CD59: variants seen among roughly 807,000 people sequenced by gnomAD.
CD59 encodes CD59 glycoprotein.
CD59 carries 3 observed loss-of-function variants against 7.0 expected under a neutral mutation model. The observed-to-expected ratio is 0.43, with a 90% CI of 0.19 to 1.10. The LOEUF is 1.10. Among genes scored for constraint, CD59 ranks in the 50% least tolerant of loss-of-function variants. CD59 has a pLI of 0.29. For missense variants in CD59, 143 were observed against 151.0 expected (o/e 0.95, Z 0.28); for synonymous variants, 60 against 62.0 (o/e 0.97, Z 0.15).
At position 33,709,914 on chromosome 11, in the gene CD59, T is replaced by A. The variant is rs978748036; in HGVS notation, c.*212A>T. The stretch of plus-strand genomic sequence containing the variant: ...GTTCAAGTCACACCTACTTCACTCT[T>A]AGACTTCTTCCTTCAAGTGGGGCTT... On this transcript the variant is annotated 3_prime_UTR_variant, in exon 4 of 4. Coordinates refer to ENST00000642928, the MANE Select transcript of CD59 (RefSeq NM_000611.6). The A allele has an allele frequency of 1.3e-5, 8 of 624,736 alleles. No individual in the cohort carries two copies. The highest frequency in any genetic ancestry group is 2.3e-5 in the Non-Finnish European group (8 of 352,736). 38.7% of individuals were successfully genotyped at this position (624,736 alleles called of 1,614,324 possible). A position where few individuals can be genotyped will look rare whatever the true frequency, so the allele number is the denominator to read the frequency against.
intron 1 of CD59, among the ~76,000 whole-genome samples, chr11:33,727,197 C>A (rs189924030): frequency 6.6e-6 from 1 of 152,072 alleles, no homozygotes; most frequent in Non-Finnish European, 1.5e-5. Context: ...ATCTTGACAC[C>A]GAAACCTGGC....
rs1318843540 is a variant in CD59, at chr11:33,707,174, G to A, written c.*2952C>T. 1 of 152,240 alleles carries A rather than the reference G, an allele frequency of 6.6e-6. No homozygotes were observed. Among genetic ancestry groups the A allele is most frequent in the Non-Finnish European group, 1.5e-5 (1 of 68,058 alleles). The allele number at this position is 152,240 out of a possible 1,614,324, so 9.4% of individuals were successfully genotyped here. A position where few individuals can be genotyped will look rare whatever the true frequency, so the allele number is the denominator to read the frequency against. ...GCTCAGCCCATCAAGAATCCCTCAG[G>A]GGGATCTGTTAGCATTAGTTCAGAT... On this transcript the variant is annotated 3_prime_UTR_variant, in exon 4 of 4. Transcript: ENST00000642928.
At chr11:33,722,176 G>A (rs1181584507) in intron 2 of CD59, among the ~76,000 whole-genome samples, 1 of 152,144 alleles carries the variant, frequency 6.6e-6, no homozygotes, top group East Asian at 2.0e-4. Context: ...AACTCAGGAC[G>A]GGCTGTAACT....
Position 33,710,116 on chromosome 11 carries a change from T to C in CD59, c.*10A>G. The C allele has an allele frequency of 1.2e-6, 2 of 1,603,696 alleles. No homozygotes were observed. Among genetic ancestry groups the C allele is most frequent in the Non-Finnish European group, 8.5e-7 (1 of 1,172,050 alleles). ...ACGGGGAGTTTGGGAGAAGCTCTCC[T>C]GGTGTTGACTTAGGGATGAAGGCTC... On this transcript the variant is annotated 3_prime_UTR_variant, in exon 4 of 4. Transcript: ENST00000642928.
intron 3 of CD59, chr11:33,711,379 C>T (rs1220108902): frequency 1.4e-6 from 1 of 701,012 alleles, no homozygotes; most frequent in Non-Finnish European, 2.6e-6. Flanking sequence ...AATAAAAAGA[C>T]TAACCCAATT....
At chr11:33,713,866 A>G (rs1853670405) in intron 3 of CD59, among the ~76,000 whole-genome samples, 1 of 152,222 alleles carries the variant, frequency 6.6e-6, no homozygotes, top group South Asian at 2.1e-4. Context: ...AAAGTGGCTT[A>G]TATCAGAATC....
chr11:33,720,174 G>T (rs1220248733), intron 2 of CD59, among the ~76,000 whole-genome samples: 1 of 152,222 alleles, frequency 6.6e-6, no homozygotes, highest in Non-Finnish European at 1.5e-5. Flanking sequence ...CTCTTCATAG[G>T]ATTGTTAAGA....
chr11:33,703,584 G>GTAGC lies in CD59; in HGVS notation c.*6538_*6541dup, dbSNP rs1489027070. The GTAGC allele has an allele frequency of 5.3e-5, 8 of 152,250 alleles. No homozygotes were observed. The allele number at this position is 152,250 out of a possible 1,614,324, so 9.4% of individuals were successfully genotyped here. The stretch of plus-strand genomic sequence containing the variant: ...CGTTGATCAGGGTCAGTTGAAAGAT[G>GTAGC]TAGCTGTCGGCCTGGTAGCCAGGTG... On this transcript the variant is annotated 3_prime_UTR_variant, in exon 4 of 4. Transcript: ENST00000642928.
At chr11:33,717,573 G>A (rs1292961592) in intron 2 of CD59, 102 bp from the exon 3 acceptor site, 5 of 735,470 alleles carry the variant, frequency 6.8e-6, no homozygotes, top group Non-Finnish European at 1.2e-5. Flanking sequence ...GCAACTTGTG[G>A]TATACTTCCA....
chr11:33,731,151 G>A (rs952735784), intron 1 of CD59, among the ~76,000 whole-genome samples: 4 of 152,002 alleles, frequency 2.6e-5, no homozygotes, highest in Admixed American at 6.6e-5. Context: ...TTAAGTTTTG[G>A]GGGAGTCAAA....
chr11:33,729,493 AACATCAG>A (rs1182373512), intron 1 of CD59, among the ~76,000 whole-genome samples: 1 of 152,010 alleles, frequency 6.6e-6, no homozygotes, highest in Admixed American at 6.6e-5. Context: ...CAGGGAGGGG[AACATCAG>A]ACACCAGGGC....
At chr11:33,727,369 T>C (rs1271414953) in intron 1 of CD59, among the ~76,000 whole-genome samples, 1 of 152,196 alleles carries the variant, frequency 6.6e-6, no homozygotes, top group Non-Finnish European at 1.5e-5. Context: ...TGGTTCAACA[T>C]ATGCAAATCA....
At chr11:33,714,399 A>G (rs2133536017) in intron 3 of CD59, among the ~76,000 whole-genome samples, 1 of 152,370 alleles carries the variant, frequency 6.6e-6, no homozygotes, top group African/African-American at 2.4e-5. Context: ...GATTTTAAAA[A>G]TGGTACACCT....
chr11:33,727,368 A>G (rs1096563), intron 1 of CD59, among the ~76,000 whole-genome samples: 61,078 of 152,136 alleles, frequency 0.4, 13,086 homozygotes, highest in Middle Eastern at 0.48. Flanking sequence ...CTGGTTCAAC[A>G]TATGCAAATC....
intron 3 of CD59, among the ~76,000 whole-genome samples, chr11:33,711,710 C>T (rs1853568903): frequency 6.6e-6 from 1 of 152,050 alleles, no homozygotes; most frequent in African/African-American, 2.4e-5. Context: ...TTTGAATAAA[C>T]ATTTCTCCAA....
chr11:33,720,661 G>A (rs914761281), intron 2 of CD59, among the ~76,000 whole-genome samples: 3 of 152,238 alleles, frequency 2.0e-5, no homozygotes, highest in South Asian at 2.1e-4. Flanking sequence ...CCTGGGACAC[G>A]GAGGTTGCAG....
In CD59 at chr11:33,710,307, T is replaced by C. The variant is rs1853486769; in HGVS notation, c.206A>G (p.His69Arg). The change falls in exon 4 of 4, where the codon CAT becomes CGT. Residue 69 changes from histidine (H) to arginine (R), a missense_variant. By Grantham distance (29) the His-to-Arg change is conservative. Coordinates refer to ENST00000642928, the MANE Select transcript of CD59 (RefSeq NM_000611.6). ...QVYNKCWKFE[H>R]CNFNDVTTRL... ...GGTTGTGACGTCGTTGAAATTGCAA[T>C]GCTCAAACTTCCAACACTTGTTATA... 2 of 1,614,072 alleles carry C rather than the reference T, an allele frequency of 1.2e-6. No individual in the cohort carries two copies. The highest frequency in any genetic ancestry group is 1.3e-5 in the African/African-American group (1 of 74,934).
Position 33,708,344 on chromosome 11 carries a change from A to T in CD59, c.*1782T>A, listed in dbSNP as rs2133516854. 6.6e-6 allele frequency: 1 copy of T among 152,258 alleles called. No individual in the cohort carries two copies. The highest frequency in any genetic ancestry group is 2.1e-4 in the South Asian group (1 of 4,822). The allele number at this position is 152,258 out of a possible 1,614,324, so 9.4% of individuals were successfully genotyped here. On this transcript the variant is annotated 3_prime_UTR_variant, in exon 4 of 4. Transcript: ENST00000642928. ...TCTTCCCAGTGTAGTCTGGCCAAAA[A>T]GTGGGTACATGACACAAGATAGCAG...
chr11:33,724,423 A>G (rs773246804), intron 1 of CD59, among the ~76,000 whole-genome samples: 6 of 152,232 alleles, frequency 3.9e-5, no homozygotes, highest in Non-Finnish European at 7.3e-5. Flanking sequence ...ACAAGGCCAG[A>G]TAGTTCTGGC....
Sources: allele counts gnomAD v4.1 joint callset (sites outside exome capture counted in the v4.1 genomes callset), GRCh38; gene constraint gnomAD v4.1.1; transcripts MANE v1.5; gene names NCBI Gene and HGNC (gene_info 2026-07-23, HGNC 2026-07-21).